Variants in ASTN2 observed in about 807,000 individuals in gnomAD.
ASTN2 encodes astrotactin-2.
A neutral mutation model predicts 139.8 loss-of-function variants in ASTN2; 54 were observed. The ratio of observed to expected loss-of-function variants is 0.39; its 90% CI spans 0.31 to 0.48. ASTN2 has a LOEUF of 0.48. ASTN2 is among the 20% of genes least tolerant of loss of function. The pLI, the probability that ASTN2 is intolerant of heterozygous loss-of-function variation, is 0.95. For missense variants in ASTN2, 1,565 were observed against 1,725.1 expected (o/e 0.91, Z 1.64); for synonymous variants, 756 against 719.5 (o/e 1.05, Z -0.81).
intron 2 of ASTN2, among the ~76,000 whole-genome samples, chr9:117,249,943 C>G (rs1204366152): frequency 6.6e-6 from 1 of 152,172 alleles, no homozygotes; most frequent in Admixed American, 6.5e-5. Context: ...CTCTCCCTTT[C>G]TTTAGAAACT....
intron 17 of ASTN2, among the ~76,000 whole-genome samples, chr9:116,646,189 TAA>T (rs1564178981): frequency 6.6e-6 from 1 of 152,224 alleles, no homozygotes; most frequent in East Asian, 1.9e-4. Context: ...TCCATGTAAA[TAA>T]AGTGTCTTGT....
chr9:116,776,794 G>A (rs1830097056), intron 13 of ASTN2, among the ~76,000 whole-genome samples: 1 of 152,154 alleles, frequency 6.6e-6, no homozygotes, highest in African/African-American at 2.4e-5. Context: ...TCACTGTCCA[G>A]TAAGCCTGGT....
intron 1 of ASTN2, among the ~76,000 whole-genome samples, chr9:117,326,621 T>C: frequency 6.6e-6 from 1 of 152,126 alleles, no homozygotes; most frequent in East Asian, 1.9e-4. Flanking sequence ...GATAGAAGAA[T>C]CAGGAGCACC....
intron 13 of ASTN2, among the ~76,000 whole-genome samples, chr9:116,737,610 C>CGTGTGTGTGTGTGTGTGT (rs57891581): frequency 1.7e-4 from 23 of 137,348 alleles, no homozygotes; most frequent in South Asian, 5.4e-4. Flanking sequence ...CATGTGCCAA[C>CGTGTGTGTGTGTGTGTGT]GTGTGTGTGT....
chr9:116,974,112 G>C (rs1404346762), intron 10 of ASTN2, among the ~76,000 whole-genome samples: 1 of 152,166 alleles, frequency 6.6e-6, no homozygotes, highest in Non-Finnish European at 1.5e-5. Flanking sequence ...CCAATAAGCT[G>C]TGTACAAATC....
At chr9:117,289,284 T>A (rs1834527178) in intron 2 of ASTN2, among the ~76,000 whole-genome samples, 1 of 151,880 alleles carries the variant, frequency 6.6e-6, no homozygotes, top group Non-Finnish European at 1.5e-5. Flanking sequence ...GTGGGGAGGG[T>A]CTGAAGGGTG....
At chr9:117,299,334 G>A (rs1834818457) in intron 1 of ASTN2, among the ~76,000 whole-genome samples, 1 of 152,170 alleles carries the variant, frequency 6.6e-6, no homozygotes, top group East Asian at 1.9e-4. Flanking sequence ...CTGGCATTGT[G>A]GGACTCTGTC....
chr9:116,601,147 G>T (rs1009481547), intron 19 of ASTN2, among the ~76,000 whole-genome samples: 1 of 152,142 alleles, frequency 6.6e-6, no homozygotes, highest in Non-Finnish European at 1.5e-5. Context: ...CTAATCTAAG[G>T]ATTCAGATAA....
intron 4 of ASTN2, among the ~76,000 whole-genome samples, chr9:117,122,598 G>C (rs984442101): frequency 2.0e-5 from 3 of 152,236 alleles, no homozygotes; most frequent in African/African-American, 7.2e-5. Flanking sequence ...TGGGGAAAGA[G>C]AAGAGATTTA....
chr9:117,099,304 C>T (rs1256707992), intron 4 of ASTN2, among the ~76,000 whole-genome samples: 2 of 152,178 alleles, frequency 1.3e-5, no homozygotes, highest in Non-Finnish European at 2.9e-5. Context: ...ACTCTTCCCA[C>T]AGCCCCTTGG....
At chr9:116,879,469 A>G (rs1833395173) in intron 10 of ASTN2, among the ~76,000 whole-genome samples, 2 of 152,184 alleles carry the variant, frequency 1.3e-5, no homozygotes, top group African/African-American at 4.8e-5. Flanking sequence ...TCTGCTGCTC[A>G]TTTGCTGAGA....
chr9:117,184,331 T>C (rs1465084116), intron 3 of ASTN2, among the ~76,000 whole-genome samples: 3 of 152,158 alleles, frequency 2.0e-5, no homozygotes, highest in African/African-American at 4.8e-5. Flanking sequence ...TGTCTGTCCA[T>C]GGGGCGAGGC....
chr9:117,335,286 G>A (rs1249599094), intron 1 of ASTN2, among the ~76,000 whole-genome samples: 5 of 152,142 alleles, frequency 3.3e-5, no homozygotes, highest in Non-Finnish European at 7.3e-5. Flanking sequence ...ATGAATAAAT[G>A]TTTGTTGAAA....
Position 116,442,482 on chromosome 9 carries a change from C to T in ASTN2, c.3569G>A (p.Cys1190Tyr). The T allele has an allele frequency of 6.2e-7, 1 of 1,614,060 alleles. No individual in the cohort carries two copies. Among genetic ancestry groups the T allele is most frequent in the Non-Finnish European group, 8.5e-7 (1 of 1,180,000 alleles). Reference sequence around the variant, plus strand: ...TGCCTTGTTGTCATCTACCAGTGGACAGGCCGTCCTCAGGGTCACCGTGCT... The same window carrying T: ...TGCCTTGTTGTCATCTACCAGTGGATAGGCCGTCCTCAGGGTCACCGTGCT... ...ELSTVTLRTA[C>Y]PLVDDNKAEE... The change falls in exon 21 of 23, where the codon TGT becomes TAT. Residue 1190 changes from cysteine (C) to tyrosine (Y), a missense_variant. Coordinates refer to ENST00000313400, the MANE Select transcript of ASTN2 (RefSeq NM_001365068.1).
At chr9:117,034,978 AT>A (rs1564394667) in intron 6 of ASTN2, among the ~76,000 whole-genome samples, 1 of 152,160 alleles carries the variant, frequency 6.6e-6, no homozygotes, top group African/African-American at 2.4e-5. Flanking sequence ...GAGTATAACT[AT>A]GCAGTAACAC....
chr9:117,135,130 G>A (rs1037835727), intron 4 of ASTN2, among the ~76,000 whole-genome samples: 26 of 152,192 alleles, frequency 1.7e-4, no homozygotes, highest in South Asian at 6.2e-4. Flanking sequence ...GACTAGGTAG[G>A]TATAATTTCA....
At chr9:116,956,279 A>C (rs1673996599) in intron 10 of ASTN2, among the ~76,000 whole-genome samples, 1 of 148,778 alleles carries the variant, frequency 6.7e-6, no homozygotes. Context: ...ATTTTTTTTT[A>C]GTAGAGATGG....
intron 19 of ASTN2, among the ~76,000 whole-genome samples, chr9:116,531,977 C>T (rs1851373244): frequency 6.6e-6 from 1 of 152,198 alleles, no homozygotes; most frequent in Non-Finnish European, 1.5e-5. Flanking sequence ...TTTACTGTCC[C>T]ACCAACAGTG....
intron 6 of ASTN2, among the ~76,000 whole-genome samples, chr9:117,019,194 A>G (rs1333435418): frequency 6.6e-6 from 1 of 152,164 alleles, no homozygotes; most frequent in African/African-American, 2.4e-5. Context: ...AAAAAAAACA[A>G]AGAAGTCAGG....
Sources: allele counts gnomAD v4.1 joint callset (sites outside exome capture counted in the v4.1 genomes callset), GRCh38; gene constraint gnomAD v4.1.1; transcripts MANE v1.5; gene names NCBI Gene and HGNC (gene_info 2026-07-23, HGNC 2026-07-21).